Variants in PDE10A observed in about 807,000 individuals in gnomAD.
PDE10A encodes phosphodiesterase 10A.
Under a neutral mutation model 97.7 loss-of-function variants are expected in PDE10A, and 39 were observed. That is an observed-to-expected ratio of 0.40 (90% CI 0.31 to 0.52). The LOEUF (loss-of-function observed/expected upper bound fraction) is 0.52, where lower values mean the gene tolerates loss of function less well. Ranked by LOEUF, PDE10A falls within the 20% of genes least tolerant of loss-of-function variation. PDE10A has a pLI of 0.56. For synonymous variants in PDE10A, 371 were observed against 376.8 expected, an observed-to-expected ratio of 0.98 and a Z score of 0.18; for missense variants, 731 against 1,047.8, an observed-to-expected ratio of 0.70 and a Z score of 4.17.
At chr6:165,675,330 A>G (rs1331246438) in intron 1 of PDE10A, among the ~76,000 whole-genome samples, 1 of 152,232 alleles carries the variant, frequency 6.6e-6, no homozygotes, top group African/African-American at 2.4e-5. Context: ...GTTGGACTGC[A>G]TGCTGGAAGA....
intron 1 of PDE10A, among the ~76,000 whole-genome samples, chr6:165,931,685 G>A (rs566796958): frequency 6.6e-6 from 1 of 152,306 alleles, no homozygotes; most frequent in African/African-American, 2.4e-5. Context: ...ATACCTCGGG[G>A]AGAAGCCAAG....
intron 1 of PDE10A, among the ~76,000 whole-genome samples, chr6:165,974,125 T>C (rs1784778864): frequency 6.6e-6 from 1 of 152,246 alleles, no homozygotes; most frequent in African/African-American, 2.4e-5. Flanking sequence ...GAGCTTCTTA[T>C]CAATGCAGAT....
rs144390355 is a variant in PDE10A, at chr6:165,926,202, AT to A, written c.-615+61326del. On this transcript the variant is annotated intron_variant, in intron 1 of 19. Transcript: ENST00000366882. The stretch of plus-strand genomic sequence containing the variant: ...ATAGTGGCTGATGGTGCCATCTTTG[AT>A]TTCTTCTGCAGGTGAGGCCCCAAGC... 7.3e-3 allele frequency among the ~76,000 whole-genome samples: 1,110 copies of A among 152,222 alleles called. 14 individuals carry two copies. The highest frequency in any genetic ancestry group is 0.024 in the African/African-American group (978 of 41,518).
intron 1 of PDE10A, among the ~76,000 whole-genome samples, chr6:165,594,318 A>C (rs1252466995): frequency 1.3e-5 from 2 of 152,012 alleles, no homozygotes; most frequent in Non-Finnish European, 2.9e-5. Context: ...AGACATATGA[A>C]ATATAGTAAG....
chr6:165,976,976 CAGAT>C (rs1235017414), intron 1 of PDE10A, among the ~76,000 whole-genome samples: 4 of 152,236 alleles, frequency 2.6e-5, no homozygotes, highest in Admixed American at 6.5e-5. Flanking sequence ...TTGTCCCAAA[CAGAT>C]AGTTCCCTTG....
intron 1 of PDE10A, among the ~76,000 whole-genome samples, chr6:165,768,228 T>A (rs1050643158): frequency 6.6e-6 from 1 of 152,198 alleles, no homozygotes; most frequent in African/African-American, 2.4e-5. Context: ...TTTTCTCCCA[T>A]CCCGTGGGTT....
intron 1 of PDE10A, among the ~76,000 whole-genome samples, chr6:165,871,762 C>T (rs997951079): frequency 8.5e-5 from 13 of 152,080 alleles, no homozygotes; most frequent in African/African-American, 1.9e-4. Flanking sequence ...CCAGGGGTGA[C>T]GACTGAGGGT....
At chr6:165,527,901 G>C (rs1782546164) in intron 2 of PDE10A, among the ~76,000 whole-genome samples, 1 of 152,186 alleles carries the variant, frequency 6.6e-6, no homozygotes, top group South Asian at 2.1e-4. Flanking sequence ...TTCACAGATG[G>C]TTCTGCACGA....
intron 10 of PDE10A, among the ~76,000 whole-genome samples, chr6:165,426,769 T>A (rs1789193210): frequency 6.6e-6 from 1 of 151,976 alleles, no homozygotes; most frequent in South Asian, 2.1e-4. Context: ...TCTTAACAAG[T>A]CAATAATAAA....
At chr6:165,559,436 T>C (rs527455251) in intron 1 of PDE10A, among the ~76,000 whole-genome samples, 15 of 152,344 alleles carry the variant, frequency 9.8e-5, no homozygotes, top group African/African-American at 2.6e-4. Context: ...CTTTGTCCTA[T>C]ATTATTGGTT....
chr6:165,375,923 TCAG>T (rs1562397804), intron 18 of PDE10A, among the ~76,000 whole-genome samples: 1 of 152,210 alleles, frequency 6.6e-6, no homozygotes, highest in African/African-American at 2.4e-5. Flanking sequence ...AACTTACTGC[TCAG>T]AAAGAAAGGT....
chr6:165,807,781 G>A (rs142179926), intron 1 of PDE10A, among the ~76,000 whole-genome samples: 4 of 152,212 alleles, frequency 2.6e-5, no homozygotes, highest in African/African-American at 7.2e-5. Context: ...CCACCCTTGG[G>A]CTCTGGAAGT....
chr6:165,626,458 A>G (rs1464717039), intron 1 of PDE10A, among the ~76,000 whole-genome samples: 2 of 152,244 alleles, frequency 1.3e-5, no homozygotes, highest in African/African-American at 4.8e-5. Context: ...TTCTGAGTTA[A>G]TAAGTAACAG....
At chr6:165,514,650 C>T (rs1351456887) in intron 2 of PDE10A, among the ~76,000 whole-genome samples, 3 of 152,170 alleles carry the variant, frequency 2.0e-5, no homozygotes, top group Non-Finnish European at 4.4e-5. Flanking sequence ...GTGCTGGCCC[C>T]CGAAATGCCA....
At chr6:165,883,501 C>A (rs937714375) in intron 1 of PDE10A, among the ~76,000 whole-genome samples, 2 of 150,596 alleles carry the variant, frequency 1.3e-5, no homozygotes, top group African/African-American at 4.9e-5. Context: ...GACCACGCCA[C>A]TGCACTCCAG....
intron 1 of PDE10A, among the ~76,000 whole-genome samples, chr6:165,556,957 T>C (rs1203723878): frequency 6.6e-6 from 1 of 151,882 alleles, no homozygotes; most frequent in Non-Finnish European, 1.5e-5. Context: ...CTGGCCAAAA[T>C]GGTAAACCCT....
intron 1 of PDE10A, among the ~76,000 whole-genome samples, chr6:165,624,801 C>T (rs1246097745): frequency 6.6e-6 from 1 of 152,188 alleles, no homozygotes; most frequent in Non-Finnish European, 1.5e-5. Context: ...ATAAATGTGA[C>T]ATGATCATAA....
intron 19 of PDE10A, among the ~76,000 whole-genome samples, chr6:165,339,677 TG>T (rs1397817225): frequency 6.6e-6 from 1 of 152,168 alleles, no homozygotes; most frequent in East Asian, 1.9e-4. Context: ...TAACAAGATA[TG>T]GAATAACCTC....
intron 1 of PDE10A, among the ~76,000 whole-genome samples, chr6:165,544,779 T>C (rs910640909): frequency 1.3e-5 from 2 of 151,818 alleles, no homozygotes; most frequent in South Asian, 4.1e-4. Flanking sequence ...AAAAGGAAAA[T>C]GACTTCTTTC....
Sources: gnomAD v4.1 joint callset for allele counts (sites outside exome capture counted in the v4.1 genomes callset) on GRCh38, gnomAD v4.1.1 for gene constraint, MANE v1.5 for transcripts, NCBI Gene and HGNC (gene_info 2026-07-23, HGNC 2026-07-21) for gene names.